THADA: variants seen among roughly 807,000 people sequenced by gnomAD.
The protein encoded by THADA is THADA armadillo repeat containing, also known as tRNA (32-2'-O)-methyltransferase regulator THADA.
THADA carries 213 observed loss-of-function variants against 219.8 expected under a neutral mutation model. The observed-to-expected ratio is 0.97, with a 90% CI of 0.87 to 1.09. THADA has a LOEUF of 1.09. Ranked by LOEUF, THADA falls within the 50% of genes least tolerant of loss-of-function variation. The pLI is 0.00. For missense variants in THADA, 2,956 were observed against 2,311.3 expected (o/e 1.28, Z -5.72); for synonymous variants, 1,018 against 828.9 (o/e 1.23, Z -3.92).
chr2:43,501,542 G>GA (rs1688975823), intron 24 of THADA, among the ~76,000 whole-genome samples: 1 of 151,960 alleles, frequency 6.6e-6, no homozygotes, highest in Non-Finnish European at 1.5e-5. Context: ...AATTTTTATG[G>GA]AACAGCAATA....
chr2:43,508,540 G>T, intron 23 of THADA, 108 bp downstream of exon 23: 1 of 1,109,580 alleles, frequency 9.0e-7, no homozygotes, highest in Non-Finnish European at 1.2e-6. Flanking sequence ...TGAAAAGACA[G>T]AAATGTCCTT....
intron 31 of THADA, among the ~76,000 whole-genome samples, chr2:43,296,949 C>CCCGG (rs1303869759): frequency 6.8e-6 from 1 of 146,964 alleles, no homozygotes; most frequent in East Asian, 2.0e-4. Context: ...GCAGCCTCTG[C>CCCGG]CCGGCCGCCA....
At chr2:43,571,960 A>G in intron 12 of THADA, 98 bp from the exon 13 acceptor site, 4 of 1,127,322 alleles carry the variant, frequency 3.5e-6, no homozygotes, top group Non-Finnish European at 5.1e-6. Context: ...AAAGGAAAAA[A>G]GTAAACTTCA....
At chr2:43,375,507 T>C (rs1020240411) in intron 29 of THADA, among the ~76,000 whole-genome samples, 1 of 152,232 alleles carries the variant, frequency 6.6e-6, no homozygotes, top group East Asian at 1.9e-4. Context: ...TTCATCATTG[T>C]AGCTTCTTAG....
intron 28 of THADA, among the ~76,000 whole-genome samples, chr2:43,414,170 G>A (rs1434149926): frequency 6.6e-6 from 1 of 152,206 alleles, no homozygotes; most frequent in Admixed American, 6.5e-5. Context: ...AGGTCCAACT[G>A]TATTTGCAAC....
At chr2:43,429,343 G>A (rs1248433519) in intron 27 of THADA, among the ~76,000 whole-genome samples, 1 of 152,144 alleles carries the variant, frequency 6.6e-6, no homozygotes, top group Non-Finnish European at 1.5e-5. Flanking sequence ...CTGACCTCAG[G>A]TGATCCACCT....
chr2:43,455,309 G>A (rs1682850563), intron 26 of THADA, among the ~76,000 whole-genome samples: 2 of 152,104 alleles, frequency 1.3e-5, no homozygotes, highest in African/African-American at 4.8e-5. Flanking sequence ...CCCTGAGAGT[G>A]TAACTTACTT....
At chr2:43,414,891 G>T (rs1676745358) in intron 28 of THADA, among the ~76,000 whole-genome samples, 1 of 152,038 alleles carries the variant, frequency 6.6e-6, no homozygotes, top group Admixed American at 6.6e-5. Flanking sequence ...ATCTAGAAGG[G>T]GTAAGAAAGA....
At chr2:43,260,257 C>T (rs1670790848) in intron 36 of THADA, among the ~76,000 whole-genome samples, 1 of 152,186 alleles carries the variant, frequency 6.6e-6, no homozygotes, top group Non-Finnish European at 1.5e-5. Context: ...TTATTCTTTG[C>T]CAATAAGATA....
intron 16 of THADA, 60 bp from the exon 17 acceptor site, chr2:43,556,615 T>A: frequency 6.6e-7 from 1 of 1,507,200 alleles, no homozygotes; most frequent in Non-Finnish European, 9.0e-7. Context: ...TTTAAAAAAA[T>A]AGTAAATTTT....
rs75542920 is a variant in THADA at position 43,570,490 on chromosome 2, T to G, written c.2085A>C (p.Glu695Asp). 2,774 of 1,610,154 alleles carry G rather than the reference T, an allele frequency of 1.7e-3. 46 individuals are homozygous for G. In the African/African-American group the frequency reaches 0.033, roughly 19 times the overall value. Residue 695 changes from glutamate to aspartate, a missense_variant, in exon 14 of 38, where the codon GAA becomes GAC. Transcript: ENST00000405975. ...CCAATTTATAAAGTACCTGAGAACT[T>G]TCCTGTATCCTACAAAACAACTTTT... ...LLKKLFCRIQ[E>D]SSQVLYKLEQ...
At chr2:43,476,941 TA>T (rs1685623366) in intron 26 of THADA, among the ~76,000 whole-genome samples, 1 of 152,212 alleles carries the variant, frequency 6.6e-6, no homozygotes. Flanking sequence ...ATAGAATTTT[TA>T]AAGGTCTACA....
intron 26 of THADA, among the ~76,000 whole-genome samples, chr2:43,475,028 T>C (rs182193080): frequency 2.0e-5 from 3 of 152,142 alleles, no homozygotes; most frequent in African/African-American, 7.2e-5. Context: ...GAAAGAGAGA[T>C]TGTTCAGGAC....
At chr2:43,553,271 T>C (rs149827804) in intron 17 of THADA, among the ~76,000 whole-genome samples, 1 of 152,356 alleles carries the variant, frequency 6.6e-6, no homozygotes, top group African/African-American at 2.4e-5. Context: ...ATCCTTGTTA[T>C]GGACTACATG....
chr2:43,434,900 T>C (rs1679868402), intron 26 of THADA, among the ~76,000 whole-genome samples: 1 of 152,204 alleles, frequency 6.6e-6, no homozygotes, highest in African/African-American at 2.4e-5. Context: ...AAGAGCACTC[T>C]GTAACACACA....
chr2:43,290,493 C>T (rs892059539), intron 34 of THADA, among the ~76,000 whole-genome samples: 1 of 152,186 alleles, frequency 6.6e-6, no homozygotes, highest in Non-Finnish European at 1.5e-5. Context: ...GCTCTCTGAA[C>T]TTCATGATCT....
chr2:43,566,136 C>CAA, intron 15 of THADA: 2 of 265,978 alleles, frequency 7.5e-6, no homozygotes, highest in Non-Finnish European at 1.4e-5. Flanking sequence ...AAAAATGAAA[C>CAA]AAAAAAAAAA....
At chr2:43,579,716 G>A (rs1700211979) in intron 8 of THADA, among the ~76,000 whole-genome samples, 1 of 152,148 alleles carries the variant, frequency 6.6e-6, no homozygotes, top group Admixed American at 6.5e-5. Flanking sequence ...GACGCAACTG[G>A]CCTTCCTTCT....
intron 14 of THADA, among the ~76,000 whole-genome samples, chr2:43,569,367 G>A (rs1487712463): frequency 6.6e-6 from 1 of 152,172 alleles, no homozygotes; most frequent in Admixed American, 6.5e-5. Flanking sequence ...GAGATATATA[G>A]TCTACAAAGA....
Sources: gnomAD v4.1 joint callset for allele counts (sites outside exome capture counted in the v4.1 genomes callset) on GRCh38, gnomAD v4.1.1 for gene constraint, MANE v1.5 for transcripts, NCBI Gene and HGNC (gene_info 2026-07-23, HGNC 2026-07-21) for gene names.